The following SLC26A7 variants were observed in gnomAD, a reference collection of about 807,000 sequenced individuals.
SLC26A7 encodes anion exchange transporter.
SLC26A7 carries 59 observed loss-of-function variants against 82.5 expected under a neutral mutation model. The ratio of observed to expected loss-of-function variants is 0.72; its 90% CI spans 0.58 to 0.89. SLC26A7 has a LOEUF of 0.89. SLC26A7 is among the 40% of genes least tolerant of loss of function. The probability of loss-of-function intolerance (pLI) is 0.00; values close to 1 mark genes in which losing one functional copy is unlikely to be tolerated. For missense variants in SLC26A7, 820 were observed against 793.0 expected, an observed-to-expected ratio of 1.03 and a Z score of -0.41; for synonymous variants, 271 against 274.3, an observed-to-expected ratio of 0.99 and a Z score of 0.12.
chr8:91,372,977 T>G (rs1341863955), intron 15 of SLC26A7, among the ~76,000 whole-genome samples: 1 of 151,856 alleles, frequency 6.6e-6, no homozygotes, highest in African/African-American at 2.4e-5. Context: ...ATTTTATTTT[T>G]TTGTGGCAGT....
At chr8:91,324,204 C>T (rs184757489) in intron 5 of SLC26A7, among the ~76,000 whole-genome samples, 3 of 152,294 alleles carry the variant, frequency 2.0e-5, no homozygotes, top group African/African-American at 7.2e-5. Context: ...CTTATCAATA[C>T]ATATTCTAAA....
intron 13 of SLC26A7, among the ~76,000 whole-genome samples, chr8:91,364,591 G>T (rs1210885797): frequency 6.6e-6 from 1 of 152,044 alleles, no homozygotes; most frequent in Non-Finnish European, 1.5e-5. Flanking sequence ...CTGACTTTTG[G>T]GCCCCTGAAG....
chr8:91,253,407 T>C (rs760714461), intron 2 of SLC26A7, among the ~76,000 whole-genome samples: 7 of 152,252 alleles, frequency 4.6e-5, no homozygotes, highest in Non-Finnish European at 7.4e-5. Context: ...TCATGGGCCC[T>C]GCAGTCGCTG....
At chr8:91,365,341 T>G (rs1377372310) in intron 13 of SLC26A7, among the ~76,000 whole-genome samples, 3 of 151,806 alleles carry the variant, frequency 2.0e-5, no homozygotes, top group African/African-American at 7.3e-5. Context: ...AGTCTCATAA[T>G]GTTTTAAGAA....
At chr8:91,239,079 A>G (rs887996000) in intron 2 of SLC26A7, among the ~76,000 whole-genome samples, 1 of 152,176 alleles carries the variant, frequency 6.6e-6, no homozygotes, top group Non-Finnish European at 1.5e-5. Flanking sequence ...TAAAAATGAT[A>G]TATAGATGAG....
chr8:91,239,395 A>AATATATAT (rs1554600120), intron 2 of SLC26A7, among the ~76,000 whole-genome samples: 13 of 94,856 alleles, frequency 1.4e-4, no homozygotes, highest in African/African-American at 1.8e-4. Context: ...AAAAAAAAAA[A>AATATATAT]ATATATATAT....
At chr8:91,338,256 A>G in intron 7 of SLC26A7, 24 bp downstream of exon 7, 1 of 1,538,512 alleles carries the variant, frequency 6.5e-7, no homozygotes, top group East Asian at 2.3e-5. Context: ...TTTTAAAAAC[A>G]TATTATTTGT....
chr8:91,370,486 T>G (rs1281931328), intron 15 of SLC26A7, among the ~76,000 whole-genome samples: 1 of 152,034 alleles, frequency 6.6e-6, no homozygotes, highest in Non-Finnish European at 1.5e-5. Flanking sequence ...GAATACATTT[T>G]GGATCTCCAC....
chr8:91,332,613 G>C (rs1813124862), intron 5 of SLC26A7, among the ~76,000 whole-genome samples: 1 of 149,664 alleles, frequency 6.7e-6, no homozygotes, highest in African/African-American at 2.5e-5. Flanking sequence ...CTGTAACCTA[G>C]AACTCCTGGG....
chr8:91,318,989 T>G (rs1812718333), intron 5 of SLC26A7, among the ~76,000 whole-genome samples: 1 of 152,252 alleles, frequency 6.6e-6, no homozygotes. Context: ...GCCTTGTTAA[T>G]GAATTTGCTG....
intron 2 of SLC26A7, among the ~76,000 whole-genome samples, chr8:91,229,019 A>T (rs1023103480): frequency 6.6e-6 from 1 of 152,236 alleles, no homozygotes; most frequent in Non-Finnish European, 1.5e-5. Context: ...TTAGGAGTGG[A>T]CGGACAAAGC....
chr8:91,233,562 G>A (rs557159450), intron 2 of SLC26A7, among the ~76,000 whole-genome samples: 1 of 151,242 alleles, frequency 6.6e-6, no homozygotes, highest in East Asian at 1.9e-4. Flanking sequence ...GCGGGATTCT[G>A]TGTCAAAAAA....
intron 1 of SLC26A7, among the ~76,000 whole-genome samples, chr8:91,210,075 A>T (rs1376785120): frequency 2.6e-5 from 4 of 152,180 alleles, no homozygotes; most frequent in African/African-American, 9.6e-5. Context: ...CATAGACAGA[A>T]CCAACAACGA....
intron 11 of SLC26A7, among the ~76,000 whole-genome samples, chr8:91,361,870 C>T (rs1482808473): frequency 1.3e-5 from 2 of 152,034 alleles, no homozygotes; most frequent in Non-Finnish European, 2.9e-5. Context: ...TGTTGTTTGA[C>T]TCAGTCATTT....
At chr8:91,263,107 A>G (rs1811012852) in intron 2 of SLC26A7, among the ~76,000 whole-genome samples, 1 of 152,064 alleles carries the variant, frequency 6.6e-6, no homozygotes, top group South Asian at 2.1e-4. Flanking sequence ...CTACAATTTT[A>G]CAGAAAGGAA....
intron 9 of SLC26A7, among the ~76,000 whole-genome samples, chr8:91,346,336 A>G (rs922622520): frequency 6.6e-6 from 1 of 152,136 alleles, no homozygotes; most frequent in African/African-American, 2.4e-5. Flanking sequence ...GGTAAAACTG[A>G]TAACTGACAT....
At chr8:91,348,241 C>T (rs1181966736) in intron 9 of SLC26A7, 2 of 731,656 alleles carry the variant, frequency 2.7e-6, no homozygotes, top group Non-Finnish European at 3.3e-6. Flanking sequence ...TGTCATCTCT[C>T]TCTTTTTTTC....
intron 3 of SLC26A7, among the ~76,000 whole-genome samples, chr8:91,290,833 T>A (rs1207591515): frequency 6.6e-6 from 1 of 152,220 alleles, no homozygotes; most frequent in Non-Finnish European, 1.5e-5. Context: ...TTTGGCTTTT[T>A]AAATCAATTA....
intron 2 of SLC26A7, among the ~76,000 whole-genome samples, chr8:91,270,460 T>A (rs1194674183): frequency 2.0e-5 from 3 of 152,154 alleles, no homozygotes; most frequent in Non-Finnish European, 2.9e-5. Context: ...GGGAAAGACT[T>A]AAAGGAGCAC....
Sources: allele counts gnomAD v4.1 joint callset (sites outside exome capture counted in the v4.1 genomes callset), GRCh38; gene constraint gnomAD v4.1.1; transcripts MANE v1.5; gene names NCBI Gene and HGNC (gene_info 2026-07-23, HGNC 2026-07-21).